Variants in GLIS3 observed in about 807,000 individuals in gnomAD.
GLIS3 encodes GLIS family zinc finger 3.
In GLIS3, 53 loss-of-function variants were observed where a neutral mutation model predicts 78.6. The ratio of observed to expected loss-of-function variants is 0.67; its 90% CI spans 0.54 to 0.85. The LOEUF is 0.85. Ranked by LOEUF, GLIS3 falls within the 40% of genes least tolerant of loss-of-function variation. The probability of loss-of-function intolerance (pLI) is 0.00; values close to 1 mark genes in which losing one functional copy is unlikely to be tolerated. For missense variants in GLIS3, 1,703 were observed against 1,231.1 expected, an observed-to-expected ratio of 1.38 and a Z score of -5.74; for synonymous variants, 684 against 509.9, an observed-to-expected ratio of 1.34 and a Z score of -4.60.
chr9:4,265,782 G>A (rs751080832), intron 2 of GLIS3, among the ~76,000 whole-genome samples: 18 of 152,174 alleles, frequency 1.2e-4, no homozygotes, highest in Non-Finnish European at 2.4e-4. Flanking sequence ...ATTACCCACA[G>A]TATGAGTTTT....
At chr9:4,038,883 A>G (rs568686608) in intron 4 of GLIS3, among the ~76,000 whole-genome samples, 2 of 152,282 alleles carry the variant, frequency 1.3e-5, no homozygotes, top group East Asian at 3.9e-4. Context: ...TGGGCTCCGC[A>G]TAACTCTGAT....
chr9:4,393,601 G>T, the GLIS3 span, among the ~76,000 whole-genome samples: 2 of 152,008 alleles, frequency 1.3e-5, no homozygotes. Flanking sequence ...CATTCTTTCT[G>T]TTTCTGACCT....
At chr9:4,363,889 C>T in the GLIS3 span, among the ~76,000 whole-genome samples, 2 of 152,318 alleles carry the variant, frequency 1.3e-5, no homozygotes, top group African/African-American at 4.8e-5. Context: ...TGGAACAATT[C>T]ATGCTAGGCT....
At chr9:3,932,836 C>T in intron 5 of GLIS3, 1 of 431,954 alleles carries the variant, frequency 2.3e-6, no homozygotes, top group Non-Finnish European at 4.7e-6. Flanking sequence ...CTGTCAGAAA[C>T]TAGTAAACAC....
At chr9:4,217,209 T>C (rs965584896) in intron 2 of GLIS3, among the ~76,000 whole-genome samples, 6 of 152,342 alleles carry the variant, frequency 3.9e-5, no homozygotes, top group African/African-American at 9.6e-5. Context: ...AAGAGGACTT[T>C]CATGCTTCAA....
At chr9:4,279,500 C>T (rs961902846) in intron 2 of GLIS3, among the ~76,000 whole-genome samples, 5 of 151,082 alleles carry the variant, frequency 3.3e-5, no homozygotes, top group African/African-American at 1.2e-4. Flanking sequence ...GATTAAAAAA[C>T]TCTTTTGTGT....
chr9:4,133,825 T>TACACACACACACACACACACAC (rs138728219), intron 2 of GLIS3, among the ~76,000 whole-genome samples: 2 of 121,736 alleles, frequency 1.6e-5, no homozygotes, highest in Non-Finnish European at 3.6e-5. Flanking sequence ...CAAGACCTTC[T>TACACACACACACACACACACAC]ACACACACAC....
chr9:4,187,039 C>A lies in GLIS3; in HGVS notation c.389-61098G>T, dbSNP rs549476730. ...TCAATTCTGGCTTTTGTTGCCATTGCTTTCAGTGTTTTAGACATGAAGTCC... is the reference window on the plus strand; with the variant it reads ...TCAATTCTGGCTTTTGTTGCCATTGATTTCAGTGTTTTAGACATGAAGTCC... On this transcript the variant is annotated intron_variant, in intron 2 of 10. Transcript: ENST00000381971. Among the ~76,000 whole-genome samples the A allele has an allele frequency of 4.6e-5, 7 of 152,308 alleles. No homozygotes were observed. In the East Asian group the frequency reaches 1.4e-3, roughly 29 times the overall value.
chr9:3,845,383 T>A (rs768424151), intron 9 of GLIS3, among the ~76,000 whole-genome samples: 2 of 152,170 alleles, frequency 1.3e-5, no homozygotes, highest in African/African-American at 4.8e-5. Context: ...GACACAGTTA[T>A]GTCTCCTTCT....
At chr9:4,330,115 C>T (rs1306115878) in intron 2 of GLIS3, among the ~76,000 whole-genome samples, 1 of 152,116 alleles carries the variant, frequency 6.6e-6, no homozygotes, top group Admixed American at 6.5e-5. Flanking sequence ...TTAGGAAATT[C>T]AGTGTAGACT....
chr9:4,149,657 TG>T (rs1391745372), intron 2 of GLIS3, among the ~76,000 whole-genome samples: 4 of 152,224 alleles, frequency 2.6e-5, no homozygotes, highest in Admixed American at 2.0e-4. Flanking sequence ...AGTGGTTAAG[TG>T]TCTATTACAT....
intron 6 of GLIS3, among the ~76,000 whole-genome samples, chr9:3,907,602 C>CACA (rs1554644529): frequency 8.2e-4 from 67 of 81,536 alleles, no homozygotes; most frequent in Admixed American, 6.9e-3. Context: ...CCTCCACCCC[C>CACA]CAAACACACA....
chr9:4,011,170 CA>C (rs2130030061), intron 4 of GLIS3, among the ~76,000 whole-genome samples: 1 of 152,198 alleles, frequency 6.6e-6, no homozygotes, highest in South Asian at 2.1e-4. Flanking sequence ...CAGTTTTATG[CA>C]TAGGAAGCGC....
chr9:4,128,106 G>A (rs999383449), intron 2 of GLIS3, among the ~76,000 whole-genome samples: 2 of 152,222 alleles, frequency 1.3e-5, no homozygotes, highest in Non-Finnish European at 2.9e-5. Flanking sequence ...TGTGATCACT[G>A]AAACATTTAT....
chr9:4,354,337 C>G, the GLIS3 span, among the ~76,000 whole-genome samples: 1 of 152,170 alleles, frequency 6.6e-6, no homozygotes, highest in East Asian at 1.9e-4. Flanking sequence ...CAGGACACCT[C>G]TCTTCATGCC....
At chr9:4,298,438 C>T (rs1292273838) in intron 1 of GLIS3, 1 of 451,902 alleles carries the variant, frequency 2.2e-6, no homozygotes, top group African/African-American at 2.0e-5. Flanking sequence ...TTTCCAGACA[C>T]TTGAGTGACT....
chr9:3,873,940 A>G (rs1475073093), intron 8 of GLIS3, among the ~76,000 whole-genome samples: 1 of 152,242 alleles, frequency 6.6e-6, no homozygotes, highest in Admixed American at 6.5e-5. Context: ...TAGATTGAAT[A>G]CTCTCCAAAG....
intron 2 of GLIS3, among the ~76,000 whole-genome samples, chr9:4,129,051 CTGGAAAA>C (rs1586752863): frequency 6.6e-6 from 1 of 152,184 alleles, no homozygotes; most frequent in African/African-American, 2.4e-5. Context: ...TGAGGATGTT[CTGGAAAA>C]TGGAAAATGG....
chr9:4,385,387 G>C, the GLIS3 span, among the ~76,000 whole-genome samples: 1 of 152,186 alleles, frequency 6.6e-6, no homozygotes, highest in African/African-American at 2.4e-5. Flanking sequence ...TTCTTGGCCA[G>C]GCACAGTGGC....
Sources: gnomAD v4.1 joint callset for allele counts (sites outside exome capture counted in the v4.1 genomes callset) on GRCh38, gnomAD v4.1.1 for gene constraint, MANE v1.5 for transcripts, NCBI Gene and HGNC (gene_info 2026-07-23, HGNC 2026-07-21) for gene names.